Variants in PALM2AKAP2 observed in about 807,000 individuals in gnomAD.
PALM2AKAP2 encodes the protein PALM2 and AKAP2 fusion, also known as PALM2-AKAP2 fusion protein.
In PALM2AKAP2, 37 loss-of-function variants were observed where a neutral mutation model predicts 71.5. The observed-to-expected ratio is 0.52, with a 90% CI of 0.40 to 0.68. PALM2AKAP2 has a LOEUF of 0.68. PALM2AKAP2 is among the 30% of genes least tolerant of loss of function. PALM2AKAP2 has a pLI of 0.00. For missense variants in PALM2AKAP2, 1,224 were observed against 1,191.8 expected (o/e 1.03, Z -0.40); for synonymous variants, 468 against 478.8 (o/e 0.98, Z 0.29).
At chr9:110,070,654 C>T (rs916589775) in intron 1 of PALM2AKAP2, among the ~76,000 whole-genome samples, 1 of 152,084 alleles carries the variant, frequency 6.6e-6, no homozygotes, top group Non-Finnish European at 1.5e-5. Flanking sequence ...CTGTGTTCTG[C>T]TTAATACATG....
At chr9:109,681,432 G>A (rs13284422) in intron 1 of PALM2AKAP2, among the ~76,000 whole-genome samples, 17,367 of 152,234 alleles carry the variant, frequency 0.11, 1,289 homozygotes, top group Non-Finnish European at 0.16. Context: ...GTTGTTGAGG[G>A]TTTATGTGTG....
chr9:110,019,052 C>T (rs898922706), intron 7 of PALM2AKAP2, among the ~76,000 whole-genome samples: 1 of 151,800 alleles, frequency 6.6e-6, no homozygotes, highest in Non-Finnish European at 1.5e-5. Flanking sequence ...CCATCCTGGC[C>T]AACATGTGAA....
chr9:109,830,741 G>A (rs192527914), intron 1 of PALM2AKAP2, among the ~76,000 whole-genome samples: 1 of 152,264 alleles, frequency 6.6e-6, no homozygotes, highest in Non-Finnish European at 1.5e-5. Context: ...TATGGTGTGT[G>A]CTGTTTAATC....
chr9:109,837,407 C>G (rs2131565440), intron 1 of PALM2AKAP2, among the ~76,000 whole-genome samples: 1 of 152,264 alleles, frequency 6.6e-6, no homozygotes, highest in Non-Finnish European at 1.5e-5. Context: ...AGAACCAGTA[C>G]CAGCCACTGC....
chr9:109,973,687 C>T (rs1832114988), intron 6 of PALM2AKAP2, among the ~76,000 whole-genome samples: 1 of 152,236 alleles, frequency 6.6e-6, no homozygotes, highest in Admixed American at 6.5e-5. Flanking sequence ...CTGCCACATG[C>T]TGTCATGAAT....
intron 1 of PALM2AKAP2, among the ~76,000 whole-genome samples, chr9:109,766,450 T>C (rs1485323933): frequency 2.0e-5 from 3 of 152,214 alleles, no homozygotes; most frequent in African/African-American, 7.2e-5. Flanking sequence ...TTCTCAAAGG[T>C]TGGCTCTGCA....
At chr9:110,055,469 T>C (rs534671532) in intron 1 of PALM2AKAP2, among the ~76,000 whole-genome samples, 2 of 152,314 alleles carry the variant, frequency 1.3e-5, no homozygotes, top group Non-Finnish European at 1.5e-5. Context: ...AATGTTGGGA[T>C]TACAGGCATG....
chr9:109,674,603 G>A (rs1827622616), intron 1 of PALM2AKAP2, among the ~76,000 whole-genome samples: 1 of 151,882 alleles, frequency 6.6e-6, no homozygotes, highest in South Asian at 2.1e-4. Context: ...GACCTTTTGG[G>A]GGTTTAATGG....
chr9:110,153,408 A>G (rs1017602167), intron 2 of PALM2AKAP2, among the ~76,000 whole-genome samples: 6 of 152,308 alleles, frequency 3.9e-5, no homozygotes, highest in African/African-American at 1.4e-4. Flanking sequence ...CAAGGCTCAA[A>G]TGACATGAAG....
At position 109,729,234 on chromosome 9, in the gene PALM2AKAP2, G is replaced by A. The variant is rs978988392; in HGVS notation, c.6-51254G>A. Among the ~76,000 whole-genome samples the A allele has an allele frequency of 3.9e-5, 6 of 152,200 alleles. No homozygotes were observed. In the South Asian group the frequency reaches 8.3e-4, roughly 21 times the overall value. On this transcript the variant is annotated intron_variant, in intron 1 of 6. Coordinates refer to the PALM2AKAP2 transcript ENST00000374531. ...TTAATGTGCTAGGTACATTGCCACC[G>A]ACTCCCATGGCCACCTGAGCCTCCA... is the stretch of plus-strand genomic sequence containing the variant.
chr9:109,853,319 A>G (rs1322329075), intron 1 of PALM2AKAP2, among the ~76,000 whole-genome samples: 1 of 152,200 alleles, frequency 6.6e-6, no homozygotes, highest in African/African-American at 2.4e-5. Context: ...TCTCATCTCA[A>G]GTTATATTGC....
chr9:110,147,967 G>A (rs10119736), intron 2 of PALM2AKAP2, among the ~76,000 whole-genome samples: 3,222 of 152,134 alleles, frequency 0.021, 101 homozygotes, highest in African/African-American at 0.075. Context: ...TGAGTTTTCA[G>A]TAGTCCACTA....
chr9:109,771,259 C>A (rs578228518), intron 1 of PALM2AKAP2, among the ~76,000 whole-genome samples: 13 of 152,014 alleles, frequency 8.6e-5, no homozygotes, highest in Admixed American at 5.2e-4. Context: ...ACAAGCATAC[C>A]AAGAGGGGGT....
chr9:109,867,314 G>T (rs1328568287), intron 1 of PALM2AKAP2, 177 bp from the exon 2 acceptor site: 3 of 614,726 alleles, frequency 4.9e-6, no homozygotes, highest in Admixed American at 2.8e-5. Context: ...CATGTTAGGA[G>T]AATGCTGCTG....
intron 6 of PALM2AKAP2, among the ~76,000 whole-genome samples, chr9:109,975,800 T>C (rs1444092082): frequency 6.6e-6 from 1 of 152,172 alleles, no homozygotes; most frequent in Non-Finnish European, 1.5e-5. Context: ...TTGCTAACTC[T>C]GACACAAATG....
At chr9:109,911,331 C>T (rs1226454159) in intron 3 of PALM2AKAP2, among the ~76,000 whole-genome samples, 2 of 152,162 alleles carry the variant, frequency 1.3e-5, no homozygotes, top group Non-Finnish European at 2.9e-5. Context: ...TCAGCTCAAG[C>T]CTGGAAATGA....
Position 109,789,798 on chromosome 9 carries a change from C to T in PALM2AKAP2, c.45+9265C>T, listed in dbSNP as rs189471568. Among the ~76,000 whole-genome samples the T allele has an allele frequency of 3.9e-5, 6 of 152,186 alleles. 1 individual carries two copies. Among genetic ancestry groups the T allele is most frequent in the South Asian group, 4.2e-4 (2 of 4,812 alleles). Reference sequence around the variant, plus strand: ...GAGCAGAGGGTGGTGTGGGGCAGTGCGTGTTGGAGCTACAGTGCCCTTGGT... The same window carrying T: ...GAGCAGAGGGTGGTGTGGGGCAGTGTGTGTTGGAGCTACAGTGCCCTTGGT... On this transcript the variant is annotated intron_variant, in intron 1 of 9. Coordinates refer to the PALM2AKAP2 transcript ENST00000302798.
At position 110,031,848 on chromosome 9, in the gene PALM2AKAP2, C is replaced by T. The variant is rs138656638; in HGVS notation, c.582+15809C>T. ...GGAGGCTTTTATGTAGTTCTGTTTG[C>T]GTTCATTCTTCCAATGCAAAGCTGG... On this transcript the variant is annotated intron_variant, in intron 7 of 9. Transcript: ENST00000302798. Among the ~76,000 whole-genome samples, 23 of 152,248 alleles carry T rather than the reference C, an allele frequency of 1.5e-4. No homozygotes were observed. The East Asian group carries it at 4.2e-3, about 28-fold the overall frequency.
At chr9:110,041,262 C>CT (rs1347944361) in intron 7 of PALM2AKAP2, among the ~76,000 whole-genome samples, 1 of 149,424 alleles carries the variant, frequency 6.7e-6, no homozygotes, top group Admixed American at 6.8e-5. Flanking sequence ...TCCCATGCTG[C>CT]TTTTTTGTTG....
Sources: gnomAD v4.1 joint callset for allele counts (sites outside exome capture counted in the v4.1 genomes callset) on GRCh38, gnomAD v4.1.1 for gene constraint, MANE v1.5 for transcripts, NCBI Gene and HGNC (gene_info 2026-07-23, HGNC 2026-07-21) for gene names.